Variants in KCNU1 observed in about 807,000 individuals in gnomAD.
The protein encoded by KCNU1 is potassium calcium-activated channel subfamily U member 1, also known as potassium channel subfamily U member 1.
In KCNU1, 93 loss-of-function variants were observed where a neutral mutation model predicts 126.8. That is an observed-to-expected ratio of 0.73 (90% CI 0.62 to 0.87). KCNU1 has a LOEUF of 0.87. KCNU1 is among the 40% of genes least tolerant of loss of function. The probability of loss-of-function intolerance (pLI) is 0.00; values close to 1 mark genes in which losing one functional copy is unlikely to be tolerated. For synonymous variants in KCNU1, 523 were observed against 494.2 expected (o/e 1.06, Z -0.77); for missense variants, 1,330 against 1,367.1 (o/e 0.97, Z 0.43).
intron 13 of KCNU1, 48 bp from the exon 14 acceptor site, chr8:36,836,745 G>C (rs770661427): frequency 3.9e-6 from 6 of 1,546,900 alleles, no homozygotes; most frequent in Non-Finnish European, 5.3e-6. Flanking sequence ...GAGCTTTCTT[G>C]AGGTGTGTTT....
intron 7 of KCNU1, 39 bp from the exon 8 acceptor site, chr8:36,814,168 T>G (rs1231418629): frequency 6.5e-7 from 1 of 1,529,024 alleles, no homozygotes; most frequent in Admixed American, 1.7e-5. Context: ...TCTCTTGGAT[T>G]CTATTCAGAT....
intron 2 of KCNU1, 118 bp downstream of exon 2, chr8:36,787,543 TATA>T: frequency 3.3e-6 from 3 of 916,702 alleles, no homozygotes; most frequent in Non-Finnish European, 1.6e-6. Context: ...TCGTCTTATC[TATA>T]ATATCACCAC....
intron 12 of KCNU1, 130 bp from the exon 13 acceptor site, chr8:36,836,166 A>G (rs890412302): frequency 2.7e-5 from 16 of 601,320 alleles, no homozygotes; most frequent in Non-Finnish European, 4.1e-5. Context: ...AAACAACACA[A>G]CAATAAACTT....
At chr8:36,927,153 T>C (rs1483455743) in intron 24 of KCNU1, among the ~76,000 whole-genome samples, 1 of 152,162 alleles carries the variant, frequency 6.6e-6, no homozygotes, top group Non-Finnish European at 1.5e-5. Flanking sequence ...TGCTTAGAAA[T>C]ACTAAGGTTT....
intron 19 of KCNU1, among the ~76,000 whole-genome samples, chr8:36,884,736 G>T (rs1182207706): frequency 6.6e-6 from 1 of 151,418 alleles, no homozygotes; most frequent in Non-Finnish European, 1.5e-5. Flanking sequence ...ACAGAGTGAG[G>T]CTTCATCTCA....
At chr8:36,908,758 G>A (rs1376026534) in intron 20 of KCNU1, among the ~76,000 whole-genome samples, 3 of 151,926 alleles carry the variant, frequency 2.0e-5, no homozygotes, top group Non-Finnish European at 4.4e-5. Flanking sequence ...ATATTCAATT[G>A]AACCATATGA....
At chr8:36,855,935 G>A (rs1679700345) in intron 18 of KCNU1, among the ~76,000 whole-genome samples, 1 of 151,950 alleles carries the variant, frequency 6.6e-6, no homozygotes, top group African/African-American at 2.4e-5. Flanking sequence ...TTTTTCTCGT[G>A]CTGGTTTCAA....
intron 2 of KCNU1, among the ~76,000 whole-genome samples, chr8:36,799,744 T>C (rs1803237650): frequency 6.6e-6 from 1 of 151,770 alleles, no homozygotes; most frequent in African/African-American, 2.4e-5. Context: ...GTTTCACCAT[T>C]TGGTCAGGCT....
chr8:36,900,280 C>G (rs1807362381), intron 19 of KCNU1, among the ~76,000 whole-genome samples: 1 of 152,110 alleles, frequency 6.6e-6, no homozygotes, highest in African/African-American at 2.4e-5. Context: ...TTGGCGCTCA[C>G]AGGATCTCTT....
chr8:36,845,628 A>G lies in KCNU1; in HGVS notation c.1752A>G (p.Thr584=), dbSNP rs567663553. The stretch of plus-strand genomic sequence containing the variant: ...CACAAGTGAGGATACGTAAGAACAC[A>G]TTAGGGTTCTTTATTGCTGAAACTC... ...PPPQVRIRKN[T]LGFFIAETPK... Residue 584 remains threonine (T), a synonymous_variant, in exon 17 of 27, where the codon ACA becomes ACG. Transcript: ENST00000399881. The G allele has an allele frequency of 3.1e-6, 5 of 1,610,704 alleles. No homozygotes were observed. The highest frequency in any genetic ancestry group is 1.1e-5 in the South Asian group (1 of 90,992).
intron 19 of KCNU1, among the ~76,000 whole-genome samples, chr8:36,896,869 T>C (rs1807211664): frequency 1.3e-5 from 2 of 152,126 alleles, no homozygotes; most frequent in Admixed American, 1.3e-4. Flanking sequence ...ATATTATTTA[T>C]ATTTGTATTA....
intron 14 of KCNU1, among the ~76,000 whole-genome samples, chr8:36,840,139 T>C (rs1804896875): frequency 6.6e-6 from 1 of 152,212 alleles, no homozygotes; most frequent in Non-Finnish European, 1.5e-5. Flanking sequence ...AACTTTCCCA[T>C]CTGATTCTTA....
chr8:36,791,925 C>A (rs1007875649), intron 2 of KCNU1, among the ~76,000 whole-genome samples: 1 of 151,972 alleles, frequency 6.6e-6, no homozygotes, highest in African/African-American at 2.4e-5. Context: ...AATATACCAT[C>A]AAGCATCAAG....
intron 7 of KCNU1, among the ~76,000 whole-genome samples, chr8:36,811,511 T>G (rs1302201439): frequency 6.6e-6 from 1 of 152,180 alleles, no homozygotes; most frequent in Non-Finnish European, 1.5e-5. Flanking sequence ...TCCTGTCATT[T>G]TAAGCATGCA....
rs751214085 is a variant in KCNU1, at chr8:36,840,529, C to A, written c.1585C>A (p.Arg529Ser). The change falls in exon 15 of 27, where the codon CGT becomes AGT. Residue 529 changes from arginine to serine, a missense_variant. Coordinates refer to ENST00000399881, the MANE Select transcript of KCNU1 (RefSeq NM_001031836.3). ...NSMKNKILTQ[R>S]LSDDFAGMSF... ...CATGAAAAACAAAATTCTGACCCAA[C>A]GTCTCTCTGATGACTTTGCTGGAAT... is the stretch of plus-strand genomic sequence containing the variant. 5.0e-6 allele frequency: 8 copies of A among 1,612,834 alleles called. No homozygotes were observed. The highest frequency in any genetic ancestry group is 6.8e-6 in the Non-Finnish European group (8 of 1,179,100).
intron 18 of KCNU1, 75 bp downstream of exon 18, chr8:36,845,974 A>G: frequency 1.2e-6 from 1 of 864,044 alleles, no homozygotes; most frequent in Non-Finnish European, 1.9e-6. Context: ...AGAGGGTTCC[A>G]TCTCTTAAAA....
At position 36,833,637 on chromosome 8, in the gene KCNU1, G is replaced by C. The variant is rs577197846; in HGVS notation, c.1190G>C (p.Trp397Ser). ...TTFISGSAMKWEDLRRVAVES... is the reference protein window; with the variant it reads ...TTFISGSAMKSEDLRRVAVES... ...TTCATTTCTGGATCTGCAATGAAGT[G>C]GGAGGATCTGAGGCGAGTTGCGGTA... is the stretch of plus-strand genomic sequence containing the variant. The change falls in exon 11 of 27, where the codon TGG (tryptophan) becomes TCG (serine). Residue 397 changes from tryptophan to serine, a missense_variant. Transcript: ENST00000399881. The C allele has an allele frequency of 1.9e-6, 3 of 1,609,888 alleles. No individual in the cohort carries two copies. Among genetic ancestry groups the C allele is most frequent in the Non-Finnish European group, 2.5e-6 (3 of 1,176,584 alleles).
chr8:36,840,344 CTT>C, intron 14 of KCNU1, 117 bp from the exon 15 acceptor site: 1 of 602,472 alleles, frequency 1.7e-6, no homozygotes, highest in African/African-American at 1.9e-5. Flanking sequence ...AGATAAATCT[CTT>C]TTTTATGACT....
At chr8:36,829,455 G>T (rs181043983) in intron 10 of KCNU1, among the ~76,000 whole-genome samples, 1 of 151,596 alleles carries the variant, frequency 6.6e-6, no homozygotes, top group Non-Finnish European at 1.5e-5. Context: ...TAACGATGGG[G>T]TTTATAGAGT....
Sources: gnomAD v4.1 joint callset for allele counts (sites outside exome capture counted in the v4.1 genomes callset) on GRCh38, gnomAD v4.1.1 for gene constraint, MANE v1.5 for transcripts, NCBI Gene and HGNC (gene_info 2026-07-23, HGNC 2026-07-21) for gene names.